Variants in WDR7 observed in about 807,000 individuals in gnomAD.
WDR7 encodes the protein WD repeat-containing protein 7.
A neutral mutation model predicts 169.4 loss-of-function variants in WDR7; 46 were observed. The observed-to-expected ratio is 0.27, with a 90% CI of 0.21 to 0.35. The LOEUF (loss-of-function observed/expected upper bound fraction) is 0.35. Among genes scored for constraint, WDR7 ranks in the 10% least tolerant of loss-of-function variants. The pLI is 1.00. For synonymous variants in WDR7, 612 were observed against 666.8 expected (o/e 0.92, Z 1.27); for missense variants, 1,534 against 1,859.3 (o/e 0.83, Z 3.22).
chr18:57,035,393 G>C, the WDR7 span: 3 of 152,372 alleles, frequency 2.0e-5, no homozygotes, highest in African/African-American at 7.2e-5. Flanking sequence ...GTGCTGCCCT[G>C]ATGTTATAAG....
rs967947513 is a variant in WDR7, at chr18:57,028,232, A to G, written c.*1025A>G. 2 of 152,224 alleles carry G rather than the reference A, an allele frequency of 1.3e-5. No individual in the cohort carries two copies. Among genetic ancestry groups the G allele is most frequent in the African/African-American group, 4.8e-5 (2 of 41,468 alleles). 9.4% of individuals were successfully genotyped at this position (152,224 alleles called of 1,614,324 possible). On this transcript the variant is annotated 3_prime_UTR_variant, in exon 28 of 28. Coordinates refer to ENST00000254442, the MANE Select transcript of WDR7 (RefSeq NM_015285.3). ...GGAAAGCTAATAAGGTATTTCTTTTAAACAAGTATTCTGGAAAAGTAATAA... is the reference window on the plus strand; with the variant it reads ...GGAAAGCTAATAAGGTATTTCTTTTGAACAAGTATTCTGGAAAAGTAATAA...
At chr18:56,903,068 G>A (rs552161705) in intron 21 of WDR7, among the ~76,000 whole-genome samples, 8 of 152,252 alleles carry the variant, frequency 5.3e-5, no homozygotes, top group East Asian at 3.9e-4. Flanking sequence ...GTGATTGCCC[G>A]TTGGCAGCAT....
chr18:56,976,589 C>T (rs984864937), intron 26 of WDR7, among the ~76,000 whole-genome samples: 7 of 152,176 alleles, frequency 4.6e-5, no homozygotes, highest in Non-Finnish European at 1.0e-4. Context: ...TTTGCTTATT[C>T]GGCATCTCAG....
At chr18:56,769,973 G>A (rs1363980902) in intron 16 of WDR7, among the ~76,000 whole-genome samples, 1 of 152,072 alleles carries the variant, frequency 6.6e-6, no homozygotes, top group Non-Finnish European at 1.5e-5. Context: ...AGCTCAAAGG[G>A]TAGGGACATT....
At chr18:56,683,460 G>T (rs1187236690) in intron 5 of WDR7, among the ~76,000 whole-genome samples, 2 of 152,028 alleles carry the variant, frequency 1.3e-5, no homozygotes, top group Non-Finnish European at 2.9e-5. Context: ...GCCTTTTAAG[G>T]AGCATTCTTT....
chr18:56,787,301 C>T (rs372102273), intron 19 of WDR7, among the ~76,000 whole-genome samples: 6 of 152,092 alleles, frequency 3.9e-5, no homozygotes, highest in East Asian at 1.9e-4. Context: ...ATTTCTTGTA[C>T]GTTGTATTCT....
At chr18:57,003,539 C>G (rs1449102992) in intron 26 of WDR7, among the ~76,000 whole-genome samples, 1 of 151,852 alleles carries the variant, frequency 6.6e-6, no homozygotes, top group African/African-American at 2.4e-5. Flanking sequence ...ATAGAATGAA[C>G]AAAACCATGT....
chr18:56,874,271 T>A (rs1343403360), intron 20 of WDR7, among the ~76,000 whole-genome samples: 1 of 151,622 alleles, frequency 6.6e-6, no homozygotes, highest in Non-Finnish European at 1.5e-5. Context: ...TGATTATTGA[T>A]TTTTTTTTCT....
At chr18:56,917,437 A>G (rs982556481) in intron 21 of WDR7, among the ~76,000 whole-genome samples, 1 of 152,234 alleles carries the variant, frequency 6.6e-6, no homozygotes, top group Non-Finnish European at 1.5e-5. Context: ...GGCATTCAAT[A>G]AATGTAGCGT....
At chr18:56,968,730 T>G (rs2047445376) in intron 26 of WDR7, among the ~76,000 whole-genome samples, 1 of 152,158 alleles carries the variant, frequency 6.6e-6, no homozygotes, top group East Asian at 1.9e-4. Context: ...ACCTTCTAGC[T>G]TCCACCTTTA....
intron 20 of WDR7, among the ~76,000 whole-genome samples, chr18:56,825,517 A>G (rs2045186106): frequency 6.6e-6 from 1 of 152,228 alleles, no homozygotes; most frequent in Non-Finnish European, 1.5e-5. Context: ...AATGAGGCAC[A>G]GAATGGTAAA....
At chr18:56,862,038 A>T (rs2045811429) in intron 20 of WDR7, among the ~76,000 whole-genome samples, 1 of 147,668 alleles carries the variant, frequency 6.8e-6, no homozygotes, top group Non-Finnish European at 1.5e-5. Context: ...AGTATATTCT[A>T]TAAAATTTGT....
In WDR7 at chr18:56,879,956, G is replaced by A. The variant is rs753453246; in HGVS notation, c.3317G>A (p.Ser1106Asn). ...TTTTGGTCTTCAGGTTGCTTATCAA[G>A]TGTCCCACAAATGAAAAAAATTTCT... ...DDDITTGCLSSVPQMKKISTS... is the reference protein window; with the variant it reads ...DDDITTGCLSNVPQMKKISTS... The change falls in exon 21 of 28, where the codon AGT becomes AAT. Residue 1106 changes from serine (S) to asparagine (N), a missense_variant. By Grantham distance (46) the Ser-to-Asn change is conservative. Coordinates refer to ENST00000254442, the MANE Select transcript of WDR7 (RefSeq NM_015285.3). 4 of 1,613,578 alleles carry A rather than the reference G, an allele frequency of 2.5e-6. 1 individual carries two copies. The South Asian group carries it at 4.4e-5, about 18-fold the overall frequency.
chr18:56,850,281 A>G (rs1247726367), intron 20 of WDR7, among the ~76,000 whole-genome samples: 1 of 151,938 alleles, frequency 6.6e-6, no homozygotes, highest in African/African-American at 2.4e-5. Context: ...TTACTTCTTT[A>G]TGTTCTGGAT....
chr18:56,999,105 G>A (rs1369782789), intron 26 of WDR7, among the ~76,000 whole-genome samples: 1 of 152,178 alleles, frequency 6.6e-6, no homozygotes, highest in African/African-American at 2.4e-5. Flanking sequence ...CGCAAATATA[G>A]TGTGAAGAAG....
At chr18:56,719,682 G>C (rs1178791771) in intron 13 of WDR7, among the ~76,000 whole-genome samples, 1 of 151,318 alleles carries the variant, frequency 6.6e-6, no homozygotes. Context: ...TTCTTTTTTG[G>C]TCCACTTCAT....
chr18:56,937,302 G>T (rs2046973611), intron 23 of WDR7, among the ~76,000 whole-genome samples: 1 of 152,060 alleles, frequency 6.6e-6, no homozygotes. Flanking sequence ...TGAGGCAGGA[G>T]GATGGCTTAA....
At chr18:56,962,754 A>G (rs1426701961) in intron 26 of WDR7, among the ~76,000 whole-genome samples, 1 of 152,214 alleles carries the variant, frequency 6.6e-6, no homozygotes, top group Admixed American at 6.6e-5. Context: ...GCCCAGAGTA[A>G]GGTGGCACTG....
chr18:56,776,603 A>T (rs1202369832), intron 16 of WDR7, among the ~76,000 whole-genome samples, 179 bp from the exon 17 acceptor site: 1 of 152,198 alleles, frequency 6.6e-6, no homozygotes, highest in East Asian at 1.9e-4. Flanking sequence ...TCAATAAAAT[A>T]TATCATTTTT....
Sources: allele counts gnomAD v4.1 joint callset (sites outside exome capture counted in the v4.1 genomes callset), GRCh38; gene constraint gnomAD v4.1.1; transcripts MANE v1.5; gene names NCBI Gene and HGNC (gene_info 2026-07-23, HGNC 2026-07-21).